Variants in UGT1A10 observed in about 807,000 individuals in gnomAD.
The protein encoded by UGT1A10 is UDP glucuronosyltransferase family 1 member A10.
UGT1A10 carries 49 observed loss-of-function variants against 45.8 expected under a neutral mutation model. The observed-to-expected ratio is 1.07, with a 90% CI of 0.85 to 1.36. The LOEUF is 1.36. Ranked by LOEUF, UGT1A10 falls within the 40% of genes most tolerant of loss-of-function variation. The pLI, the probability that UGT1A10 is intolerant of heterozygous loss-of-function variation, is 0.00. For missense variants in UGT1A10, 745 were observed against 668.6 expected (o/e 1.11, Z -1.26); for synonymous variants, 284 against 249.7 (o/e 1.14, Z -1.29).
At chr2:233,760,958 A>T (rs976503144) in intron 1 of UGT1A10, 1 of 1,614,176 alleles carries the variant, frequency 6.2e-7, no homozygotes, top group African/African-American at 1.3e-5. Flanking sequence ...TTTCTGTGCG[A>T]CGTGGTTTAT....
chr2:233,687,837 G>C (rs533739088), intron 1 of UGT1A10, among the ~76,000 whole-genome samples: 2 of 152,160 alleles, frequency 1.3e-5, no homozygotes, highest in Non-Finnish European at 2.9e-5. Context: ...AAACCCAGGA[G>C]GTTAAGGCTG....
chr2:233,642,939 G>T (rs1026967103), intron 1 of UGT1A10, among the ~76,000 whole-genome samples: 1 of 152,020 alleles, frequency 6.6e-6, no homozygotes, highest in African/African-American at 2.4e-5. Context: ...CCTCAAGCTG[G>T]GGGTGGAGTG....
intron 1 of UGT1A10, among the ~76,000 whole-genome samples, chr2:233,714,112 T>G (rs1306472953): frequency 6.6e-6 from 1 of 152,094 alleles, no homozygotes; most frequent in Non-Finnish European, 1.5e-5. Flanking sequence ...GTGGTGTGAC[T>G]CACGGAGACT....
intron 1 of UGT1A10, among the ~76,000 whole-genome samples, chr2:233,699,007 A>G (rs575733122): frequency 6.6e-6 from 1 of 152,240 alleles, no homozygotes; most frequent in Non-Finnish European, 1.5e-5. Context: ...CTGTAAGAAC[A>G]TGAGAGGCTG....
At chr2:233,761,135 A>G (rs755308142) in intron 1 of UGT1A10, 1 of 1,614,240 alleles carries the variant, frequency 6.2e-7, no homozygotes. Context: ...TGCCTTCACC[A>G]AAATCCACTA....
At chr2:233,672,109 A>G (rs199829358) in intron 1 of UGT1A10, 4 of 1,614,054 alleles carry the variant, frequency 2.5e-6, no homozygotes, top group Non-Finnish European at 3.4e-6. Flanking sequence ...GGTTGTAGTC[A>G]TGCCAGAGGT....
At chr2:233,663,274 C>T (rs1018961499) in intron 1 of UGT1A10, among the ~76,000 whole-genome samples, 3 of 152,114 alleles carry the variant, frequency 2.0e-5, no homozygotes, top group Non-Finnish European at 4.4e-5. Flanking sequence ...GTGTGGTAGA[C>T]CGGAGTTTTA....
chr2:233,719,730 C>T (rs2011219), intron 1 of UGT1A10: 110,168 of 1,613,484 alleles, frequency 0.068, 5,029 homozygotes, highest in South Asian at 0.18. Flanking sequence ...CCAGGCAAAA[C>T]ACTTTTTAAA....
At chr2:233,723,516 C>T (rs1242100621) in intron 1 of UGT1A10, among the ~76,000 whole-genome samples, 34 of 85,382 alleles carry the variant, frequency 4.0e-4, no homozygotes, top group African/African-American at 1.3e-3. Flanking sequence ...GGTCAACAAT[C>T]TTTTTTTTTT....
At chr2:233,732,716 G>A (rs2078304565) in intron 1 of UGT1A10, among the ~76,000 whole-genome samples, 1 of 148,658 alleles carries the variant, frequency 6.7e-6, no homozygotes, top group Non-Finnish European at 1.5e-5. Flanking sequence ...TAGCCTTGTA[G>A]TACAGTTTGA....
chr2:233,759,589 C>A (rs1019080455), intron 1 of UGT1A10, among the ~76,000 whole-genome samples: 1 of 147,434 alleles, frequency 6.8e-6, no homozygotes, highest in African/African-American at 2.5e-5. Context: ...CAGCACGCCC[C>A]CCACCCCCGA....
intron 1 of UGT1A10, among the ~76,000 whole-genome samples, chr2:233,664,669 T>C (rs529719664): frequency 3.3e-5 from 5 of 152,232 alleles, no homozygotes; most frequent in South Asian, 2.1e-4. Flanking sequence ...TCACTGACTA[T>C]TGCAAGGACA....
intron 1 of UGT1A10, among the ~76,000 whole-genome samples, chr2:233,712,293 G>A (rs1484888784): frequency 6.6e-6 from 1 of 152,208 alleles, no homozygotes; most frequent in African/African-American, 2.4e-5. Context: ...TTCTTCCATG[G>A]TGTAGATGGA....
At chr2:233,684,707 T>G (rs903109945) in intron 1 of UGT1A10, among the ~76,000 whole-genome samples, 2 of 152,002 alleles carry the variant, frequency 1.3e-5, no homozygotes, top group Non-Finnish European at 2.9e-5. Context: ...GGTTATGTAT[T>G]AATGTATATA....
At chr2:233,690,258 A>G (rs1172193449) in intron 1 of UGT1A10, among the ~76,000 whole-genome samples, 3 of 152,212 alleles carry the variant, frequency 2.0e-5, no homozygotes, top group Non-Finnish European at 4.4e-5. Flanking sequence ...TTAAGTCTCA[A>G]ACATTTTGCA....
intron 1 of UGT1A10, among the ~76,000 whole-genome samples, chr2:233,728,172 A>G (rs1397087886): frequency 6.6e-6 from 1 of 152,220 alleles, no homozygotes; most frequent in Admixed American, 6.5e-5. Context: ...TGGAGGAACC[A>G]TTCTTATCAG....
chr2:233,746,165 A>G (rs530256545), intron 1 of UGT1A10, among the ~76,000 whole-genome samples: 2 of 151,990 alleles, frequency 1.3e-5, no homozygotes, highest in South Asian at 4.2e-4. Context: ...CAAAGCCAAA[A>G]TCTTGCCTGT....
Position 233,694,053 on chromosome 2 carries a change from G to A in UGT1A10, c.855+56676G>A, listed in dbSNP as rs1403841501. Among the ~76,000 whole-genome samples the A allele has an allele frequency of 5.3e-5, 8 of 152,180 alleles. No homozygotes were observed. The South Asian group carries it at 8.3e-4, about 16-fold the overall frequency. ...AGGCTGAAGTGATACAGAGGCATTC[G>A]GATGAAGACAGGGCTCATGCTTGGC... On this transcript the variant is annotated intron_variant, in intron 1 of 4. Coordinates refer to ENST00000344644, the MANE Select transcript of UGT1A10 (RefSeq NM_019075.4).
chr2:233,669,470 T>C (rs1338841199), intron 1 of UGT1A10, among the ~76,000 whole-genome samples: 6 of 152,228 alleles, frequency 3.9e-5, no homozygotes, highest in Non-Finnish European at 8.8e-5. Flanking sequence ...TTCAGGTCTC[T>C]CACCAATGTT....
Sources: allele counts gnomAD v4.1 joint callset (sites outside exome capture counted in the v4.1 genomes callset), GRCh38; gene constraint gnomAD v4.1.1; transcripts MANE v1.5; gene names NCBI Gene and HGNC (gene_info 2026-07-23, HGNC 2026-07-21).